The following UBE2E2 variants were observed in gnomAD, a reference collection of about 807,000 sequenced individuals.
The protein encoded by UBE2E2 is ubiquitin conjugating enzyme E2 E2.
In UBE2E2, 6 loss-of-function variants were observed where a neutral mutation model predicts 24.7. The observed-to-expected ratio is 0.24, with a 90% CI of 0.13 to 0.48. The LOEUF is 0.48. UBE2E2 is among the 20% of genes least tolerant of loss of function. The pLI, the probability that UBE2E2 is intolerant of heterozygous loss-of-function variation, is 0.99. For missense variants in UBE2E2, 169 were observed against 245.0 expected, an observed-to-expected ratio of 0.69 and a Z score of 2.07; for synonymous variants, 104 against 83.6, an observed-to-expected ratio of 1.24 and a Z score of -1.33.
chr3:23,281,561 C>T (rs1698490955), intron 3 of UBE2E2, among the ~76,000 whole-genome samples: 1 of 152,092 alleles, frequency 6.6e-6, no homozygotes, highest in Non-Finnish European at 1.5e-5. Context: ...TTGCCTGAGC[C>T]CAGGAGTTGT....
intron 3 of UBE2E2, among the ~76,000 whole-genome samples, chr3:23,488,684 G>A (rs1289616286): frequency 2.6e-5 from 4 of 152,226 alleles, no homozygotes; most frequent in Admixed American, 2.0e-4. Context: ...TGAAAACTGT[G>A]TAGGGGCAGC....
intron 5 of UBE2E2, among the ~76,000 whole-genome samples, chr3:23,571,710 A>G (rs1696236539): frequency 6.6e-6 from 1 of 152,056 alleles, no homozygotes; most frequent in Non-Finnish European, 1.5e-5. Context: ...TACCTAAGCA[A>G]CTCATATCTG....
intron 3 of UBE2E2, among the ~76,000 whole-genome samples, chr3:23,319,095 T>C (rs990007832): frequency 6.6e-6 from 1 of 152,206 alleles, no homozygotes; most frequent in Admixed American, 6.5e-5. Flanking sequence ...CAGTAAAGTA[T>C]TTACAAACCA....
chr3:23,563,292 A>G (rs1482801224), intron 5 of UBE2E2, among the ~76,000 whole-genome samples: 1 of 152,210 alleles, frequency 6.6e-6, no homozygotes. Flanking sequence ...TTGGTTTCAA[A>G]GAACATCTTT....
At chr3:23,219,844 G>T (rs536647067) in intron 3 of UBE2E2, among the ~76,000 whole-genome samples, 3 of 152,234 alleles carry the variant, frequency 2.0e-5, no homozygotes, top group South Asian at 4.1e-4. Context: ...AGTGGAGAAC[G>T]ATTTTTTCTA....
At chr3:23,356,715 A>G (rs1175118564) in intron 3 of UBE2E2, among the ~76,000 whole-genome samples, 3 of 152,194 alleles carry the variant, frequency 2.0e-5, no homozygotes, top group African/African-American at 7.2e-5. Context: ...AAGTAGTTTT[A>G]GGTGGAAGCA....
intron 3 of UBE2E2, among the ~76,000 whole-genome samples, chr3:23,316,493 A>G (rs1694584044): frequency 2.0e-5 from 3 of 151,786 alleles, no homozygotes; most frequent in African/African-American, 4.8e-5. Flanking sequence ...CACACTTGCA[A>G]TTCCCCCCGT....
At chr3:23,348,076 C>T (rs1300267949) in intron 3 of UBE2E2, among the ~76,000 whole-genome samples, 1 of 152,096 alleles carries the variant, frequency 6.6e-6, no homozygotes, top group Admixed American at 6.5e-5. Flanking sequence ...GGGTAGGACA[C>T]ATCTCACCAT....
chr3:23,249,158 C>A (rs1697502546), intron 3 of UBE2E2, among the ~76,000 whole-genome samples: 1 of 151,808 alleles, frequency 6.6e-6, no homozygotes, highest in Non-Finnish European at 1.5e-5. Flanking sequence ...GTAGTCCCAG[C>A]TACTTGGGAG....
chr3:23,532,598 A>G lies in UBE2E2; in HGVS notation c.405A>G (p.Gln135=). 6.4e-7 allele frequency: 1 copy of G among 1,563,212 alleles called. No individual in the cohort carries two copies. Among genetic ancestry groups the G allele is most frequent in the Non-Finnish European group, 8.7e-7 (1 of 1,144,938 alleles). ...TRIYHCNINS[Q]GVICLDILKD... is the part of the protein sequence containing the mutation. Reference sequence around the variant, plus strand: ...TCTATCACTGTAATATTAACAGCCAAGGTGTGATCTGTCTGGACATCTTAA... The same window carrying G: ...TCTATCACTGTAATATTAACAGCCAGGGTGTGATCTGTCTGGACATCTTAA... The change falls in exon 5 of 6, where the codon CAA becomes CAG. Residue 135 remains glutamine (Q), a synonymous_variant. Transcript: ENST00000396703.
chr3:23,337,750 G>T (rs924753412), intron 3 of UBE2E2, among the ~76,000 whole-genome samples: 1 of 152,214 alleles, frequency 6.6e-6, no homozygotes. Flanking sequence ...GGAATGTAGA[G>T]AATATTGAGT....
intron 3 of UBE2E2, among the ~76,000 whole-genome samples, chr3:23,344,052 C>T (rs955062429): frequency 6.6e-6 from 1 of 152,098 alleles, no homozygotes; most frequent in African/African-American, 2.4e-5. Flanking sequence ...CAAGTGAACT[C>T]TCTTTAAATT....
chr3:23,532,724 T>G (rs772442579), intron 5 of UBE2E2, 23 bp downstream of exon 5: 19 of 1,493,466 alleles, frequency 1.3e-5, no homozygotes, highest in Non-Finnish European at 1.4e-5. Context: ...AAATCTAGTA[T>G]GAATTGGAGC....
intron 4 of UBE2E2, among the ~76,000 whole-genome samples, chr3:23,530,735 T>G (rs1319192146): frequency 6.6e-6 from 1 of 152,220 alleles, no homozygotes; most frequent in Non-Finnish European, 1.5e-5. Flanking sequence ...GTTTCCTAAT[T>G]GATATAAGGG....
intron 5 of UBE2E2, among the ~76,000 whole-genome samples, chr3:23,574,019 G>A (rs1461993264): frequency 3.9e-5 from 6 of 152,148 alleles, no homozygotes; most frequent in African/African-American, 7.2e-5. Flanking sequence ...GTACATATAT[G>A]CAATGGAGTA....
chr3:23,313,747 C>T (rs1694483618), intron 3 of UBE2E2, among the ~76,000 whole-genome samples: 1 of 152,100 alleles, frequency 6.6e-6, no homozygotes, highest in Admixed American at 6.6e-5. Context: ...AGTCCACTTA[C>T]ATTCAGTGTT....
intron 3 of UBE2E2, among the ~76,000 whole-genome samples, chr3:23,294,375 G>A (rs1485233363): frequency 6.6e-6 from 1 of 152,046 alleles, no homozygotes; most frequent in East Asian, 1.9e-4. Flanking sequence ...ATAAGAGGAG[G>A]TTATTTGACA....
chr3:23,515,835 C>T (rs1434386070), intron 4 of UBE2E2, among the ~76,000 whole-genome samples: 3 of 151,368 alleles, frequency 2.0e-5, no homozygotes, highest in Admixed American at 6.6e-5. Context: ...ACGAGCCAGG[C>T]GTGGTAGCTC....
intron 4 of UBE2E2, among the ~76,000 whole-genome samples, chr3:23,500,710 T>C (rs1298732171): frequency 6.6e-6 from 1 of 152,244 alleles, no homozygotes; most frequent in Non-Finnish European, 1.5e-5. Flanking sequence ...CTCCTCTTTT[T>C]TGCCCCTGCT....
Sources: gnomAD v4.1 joint callset for allele counts (sites outside exome capture counted in the v4.1 genomes callset) on GRCh38, gnomAD v4.1.1 for gene constraint, MANE v1.5 for transcripts, NCBI Gene and HGNC (gene_info 2026-07-23, HGNC 2026-07-21) for gene names.